The following SFXN1 variants were observed in gnomAD, a reference collection of about 807,000 sequenced individuals.
SFXN1 encodes the protein sideroflexin 1.
In SFXN1, 32 loss-of-function variants were observed where a neutral mutation model predicts 39.5. That is an observed-to-expected ratio of 0.81 (90% CI 0.61 to 1.09). The LOEUF is 1.09. Among genes scored for constraint, SFXN1 ranks in the 50% least tolerant of loss-of-function variants. The pLI is 0.00. For missense variants in SFXN1, 402 were observed against 407.1 expected (o/e 0.99, Z 0.11); for synonymous variants, 136 against 146.5 (o/e 0.93, Z 0.52).
intron 2 of SFXN1, among the ~76,000 whole-genome samples, chr5:175,501,801 A>G (rs1760094536): frequency 6.6e-6 from 1 of 152,202 alleles, no homozygotes; most frequent in Admixed American, 6.5e-5. Context: ...TACTTCACCT[A>G]CTAGACTTTG....
At chr5:175,489,289 A>G (rs1279185526) in intron 1 of SFXN1, among the ~76,000 whole-genome samples, 1 of 152,226 alleles carries the variant, frequency 6.6e-6, no homozygotes. Flanking sequence ...ACGTATGATT[A>G]CGTGTGACTT....
At chr5:175,515,972 C>T (rs915714493) in intron 7 of SFXN1, among the ~76,000 whole-genome samples, 3 of 151,872 alleles carry the variant, frequency 2.0e-5, no homozygotes, top group African/African-American at 7.3e-5. Flanking sequence ...TCATAAGGAG[C>T]GGGCAACCTA....
intron 2 of SFXN1, among the ~76,000 whole-genome samples, chr5:175,498,707 CCTA>C (rs934999181): frequency 7.4e-4 from 112 of 151,952 alleles, no homozygotes; most frequent in African/African-American, 2.6e-3. Context: ...AAAAATAAAG[CCTA>C]CTGTATAGCT....
intron 1 of SFXN1, among the ~76,000 whole-genome samples, chr5:175,487,836 C>T (rs547114397): frequency 6.6e-6 from 1 of 152,280 alleles, no homozygotes; most frequent in East Asian, 1.9e-4. Flanking sequence ...CCCTCTCCAC[C>T]TCCAGTTTTT....
At chr5:175,518,706 G>C (rs915040537) in intron 8 of SFXN1, among the ~76,000 whole-genome samples, 18 of 152,160 alleles carry the variant, frequency 1.2e-4, no homozygotes, top group Admixed American at 7.2e-4. Context: ...GGTTGGCTGG[G>C]ATGTAGGCAA....
rs558750938 is a variant in SFXN1, at chr5:175,497,747, G to C, written c.164+5480G>C. Among the ~76,000 whole-genome samples the C allele has an allele frequency of 1.2e-3, 184 of 152,126 alleles. 2 individuals carry two copies. Among genetic ancestry groups the C allele is most frequent in the Non-Finnish European group, 7.4e-4 (50 of 67,994 alleles). ...AGTTCGAGAGCAGCCTGGCCAACAT[G>C]GTGAAATCCTGTCTGTGCAAAAAAC... On this transcript the variant is annotated intron_variant, in intron 2 of 10. Coordinates refer to ENST00000321442, the MANE Select transcript of SFXN1 (RefSeq NM_022754.7).
chr5:175,522,273 A>G (rs983788878), intron 9 of SFXN1, 102 bp from the exon 10 acceptor site: 17 of 1,203,778 alleles, frequency 1.4e-5, no homozygotes, highest in Middle Eastern at 2.8e-4. Flanking sequence ...ACAGAACGTA[A>G]TGCTCTGAAG....
chr5:175,508,646 T>C (rs1760399155), intron 2 of SFXN1, among the ~76,000 whole-genome samples: 1 of 87,644 alleles, frequency 1.1e-5, no homozygotes, highest in African/African-American at 9.0e-5. Context: ...TGAGCATAAA[T>C]TTTTTTTTTT....
At chr5:175,497,125 G>A (rs1243234638) in intron 2 of SFXN1, among the ~76,000 whole-genome samples, 2 of 152,122 alleles carry the variant, frequency 1.3e-5, no homozygotes, top group Non-Finnish European at 2.9e-5. Flanking sequence ...CTGAACTCAA[G>A]TGATCTGCCC....
chr5:175,522,618 T>A, intron 10 of SFXN1, 196 bp downstream of exon 10: 2 of 501,310 alleles, frequency 4.0e-6, no homozygotes, highest in South Asian at 6.7e-5. Flanking sequence ...ACCCAGCTCT[T>A]TTCTACCCCC....
intron 4 of SFXN1, among the ~76,000 whole-genome samples, chr5:175,511,209 G>C (rs567835540): frequency 6.6e-6 from 1 of 152,232 alleles, no homozygotes; most frequent in East Asian, 1.9e-4. Flanking sequence ...TCACTTCAAA[G>C]AATACATGTC....
chr5:175,518,942 A>G (rs776743551), intron 8 of SFXN1, among the ~76,000 whole-genome samples: 1 of 152,214 alleles, frequency 6.6e-6, no homozygotes, highest in Non-Finnish European at 1.5e-5. Context: ...CTATACAGAA[A>G]ATGAAAAGAG....
chr5:175,498,955 C>T (rs1409449458), intron 2 of SFXN1, among the ~76,000 whole-genome samples: 1 of 152,084 alleles, frequency 6.6e-6, no homozygotes. Flanking sequence ...AATTTTTTCA[C>T]AGGAAGAATA....
Position 175,511,315 on chromosome 5 carries a change from T to C in SFXN1, c.435-136T>C, listed in dbSNP as rs1760504056. ...CTAGATTCCCCTACTTGTGGAGTGA[T>C]AGTGAATGTTGTTTTGTAGACTCTT... is the stretch of plus-strand genomic sequence containing the variant. On this transcript the variant is annotated intron_variant, in intron 4 of 10. Coordinates refer to ENST00000321442, the MANE Select transcript of SFXN1 (RefSeq NM_022754.7). 9.0e-6 allele frequency: 6 copies of C among 670,170 alleles called. No individual in the cohort carries two copies. In the South Asian group the frequency reaches 1.1e-4, roughly 12 times the overall value. The allele number at this position is 670,170 out of a possible 1,614,324, so 41.5% of individuals were successfully genotyped here. A position where few individuals can be genotyped will look rare whatever the true frequency, so the allele number is the denominator to read the frequency against.
chr5:175,492,379 T>A, intron 2 of SFXN1, 112 bp downstream of exon 2: 3 of 946,278 alleles, frequency 3.2e-6, no homozygotes, highest in Non-Finnish European at 2.9e-6. Flanking sequence ...GCAATGGAAT[T>A]CTTTTGACCA....
intron 10 of SFXN1, among the ~76,000 whole-genome samples, chr5:175,524,873 A>G (rs1761012472): frequency 6.6e-6 from 1 of 152,202 alleles, no homozygotes; most frequent in Admixed American, 6.5e-5. Context: ...AATAATACCA[A>G]CATTATACCA....
At chr5:175,492,993 C>G (rs915379634) in intron 2 of SFXN1, among the ~76,000 whole-genome samples, 1 of 152,196 alleles carries the variant, frequency 6.6e-6, no homozygotes, top group Non-Finnish European at 1.5e-5. Flanking sequence ...GTGGCTCACG[C>G]CTGTAATCCC....
Position 175,511,443 on chromosome 5 carries a change from C to T in SFXN1, c.435-8C>T, listed in dbSNP as rs1581311215. The T allele has an allele frequency of 3.7e-6, 6 of 1,604,630 alleles. No individual in the cohort carries two copies. The highest frequency in any genetic ancestry group is 5.1e-6 in the Non-Finnish European group (6 of 1,172,604). On this transcript the variant is annotated splice_region_variant and splice_polypyrimidine_tract_variant and intron_variant, in intron 4 of 10. Coordinates refer to ENST00000321442, the MANE Select transcript of SFXN1 (RefSeq NM_022754.7). ...CGTCGTCCACACGATATCCTTTTTT[C>T]TTTTCAGTGAGTTGGGAACAGCTTA...
chr5:175,522,588 A>G (rs914048971), intron 10 of SFXN1, 166 bp downstream of exon 10: 1 of 559,744 alleles, frequency 1.8e-6, no homozygotes, highest in African/African-American at 1.9e-5. Context: ...TCAAACCCAC[A>G]TCTGTCTAAT....
Sources: gnomAD v4.1 joint callset for allele counts (sites outside exome capture counted in the v4.1 genomes callset) on GRCh38, gnomAD v4.1.1 for gene constraint, MANE v1.5 for transcripts, NCBI Gene and HGNC (gene_info 2026-07-23, HGNC 2026-07-21) for gene names.